The following ACD variants were observed in gnomAD, a reference collection of about 807,000 sequenced individuals.
The protein encoded by ACD is adrenocortical dysplasia protein homolog.
ACD carries 39 observed loss-of-function variants against 53.9 expected under a neutral mutation model. That is an observed-to-expected ratio of 0.72 (90% CI 0.56 to 0.95). The LOEUF (loss-of-function observed/expected upper bound fraction) is 0.95, where lower values mean the gene tolerates loss of function less well. Among genes scored for constraint, ACD ranks in the 40% least tolerant of loss-of-function variants. The pLI is 0.00. For synonymous variants in ACD, 273 were observed against 249.2 expected, an observed-to-expected ratio of 1.10 and a Z score of -0.90; for missense variants, 526 against 587.9, an observed-to-expected ratio of 0.89 and a Z score of 1.09.
In ACD at chr16:67,657,783, C is replaced by T. The variant is rs1445369071; in HGVS notation, c.1277G>A (p.Cys426Tyr). ...YEYEPPCTSLCARVQAVRLPP... is the reference protein window; with the variant it reads ...YEYEPPCTSLYARVQAVRLPP... ...TCACCTGACAGCTTGGACCCGAGCA[C>T]AGAGGGACGTGCAGGGTGGCTCATA... The change falls in exon 11 of 12, where the codon TGT becomes TAT. Residue 426 changes from cysteine to tyrosine, a missense_variant. Transcript: ENST00000620761. This position sits in a 1 kb window ranked among gnomAD's most constrained non-coding sequence, Gnocchi z 4.5. The T allele has an allele frequency of 1.9e-6, 3 of 1,614,100 alleles. No individual in the cohort carries two copies. Among genetic ancestry groups the T allele is most frequent in the Non-Finnish European group, 2.5e-6 (3 of 1,180,020 alleles).
chr16:67,657,809 C>T lies in ACD; in HGVS notation c.1251G>A (p.Glu417=). 1.2e-6 allele frequency: 2 copies of T among 1,614,112 alleles called. No individual in the cohort carries two copies. The highest frequency in any genetic ancestry group is 2.2e-5 in the East Asian group (1 of 44,878). Reference sequence around the variant, plus strand: ...AGAGGGACGTGCAGGGTGGCTCATACTCATACTGGAAGGCAGAACCATCAC... The same window carrying T: ...AGAGGGACGTGCAGGGTGGCTCATATTCATACTGGAAGGCAGAACCATCAC... ...RHRDGSAFQY[E]YEPPCTSLCA... is the part of the protein sequence containing the mutation. The change falls in exon 11 of 12, where the codon GAG becomes GAA. Residue 417 remains glutamate (E), a synonymous_variant. Transcript: ENST00000620761. This position sits in a 1 kb window ranked among gnomAD's most constrained non-coding sequence, Gnocchi z 4.5.
intron 9 of ACD, 65 bp downstream of exon 9, chr16:67,658,490 C>G (rs1170085369): frequency 3.7e-5 from 59 of 1,578,346 alleles, no homozygotes; most frequent in Non-Finnish European, 4.7e-5. Flanking sequence ...TCACAGCATC[C>G]TGCGCAGCCC....
Position 67,659,244 on chromosome 16 carries a change from T to C in ACD, c.478A>G (p.Thr160Ala). The C allele has an allele frequency of 6.2e-7, 1 of 1,613,986 alleles. No individual in the cohort carries two copies. The highest frequency in any genetic ancestry group is 8.5e-7 in the Non-Finnish European group (1 of 1,179,982). The change falls in exon 6 of 12, where the codon ACC becomes GCC. Residue 160 changes from threonine to alanine, a missense_variant. Thr to Ala is a moderately conservative substitution (Grantham distance 58). Coordinates refer to ENST00000620761, the MANE Select transcript of ACD (RefSeq NM_001082486.2). ...TCTACAGTACCTGCATTGGACGAGG[T>C]GGACTCTGAAAGGTGCTCCCTACAG... is the stretch of plus-strand genomic sequence containing the variant. ...DCLEEHLSES[T>A]SSNAGLSLSQ...
Position 67,658,043 on chromosome 16 carries a change from C to T in ACD, c.1149G>A (p.Arg383=). The T allele has an allele frequency of 1.3e-6, 2 of 1,546,772 alleles. No homozygotes were observed. The highest frequency in any genetic ancestry group is 2.3e-5 in the East Asian group (1 of 44,430). Residue 383 remains arginine (R), a synonymous_variant, in exon 10 of 12, where the codon CGG becomes CGA. Coordinates refer to ENST00000620761, the MANE Select transcript of ACD (RefSeq NM_001082486.2). ...TAGCTCCGGTCCTGGGAAAAGGCGGCCGATTCTTGCAGGGCAACCCTACAA... is the reference window on the plus strand; with the variant it reads ...TAGCTCCGGTCCTGGGAAAAGGCGGTCGATTCTTGCAGGGCAACCCTACAA... The part of the protein sequence containing the change: ...KEFVGLPCKN[R]PPFPRTGATR...
At chr16:67,659,310 T>C in intron 5 of ACD, 47 bp from the exon 6 acceptor site, 1 of 1,613,992 alleles carries the variant, frequency 6.2e-7, no homozygotes, top group Non-Finnish European at 8.5e-7. Flanking sequence ...CTGAGGCCTG[T>C]CTACCTAGAT....
In ACD at chr16:67,658,680, G is replaced by A. The variant is rs200554738; in HGVS notation, c.743-39C>T. ...GAAGTCTTATCAGCACTGTGGACCT[G>A]GGCCCCAGGTATCCCCCCAACCTCT... On this transcript the variant is annotated intron_variant, in intron 8 of 11. Coordinates refer to ENST00000620761, the MANE Select transcript of ACD (RefSeq NM_001082486.2). 1.7e-4 allele frequency: 264 copies of A among 1,593,184 alleles called. 1 individual carries two copies. Among genetic ancestry groups the A allele is most frequent in the Middle Eastern group, 1.2e-3 (7 of 6,006 alleles).
At chr16:67,658,469 C>T in intron 9 of ACD, 86 bp downstream of exon 9, 2 of 1,593,774 alleles carry the variant, frequency 1.3e-6, no homozygotes, top group Non-Finnish European at 1.7e-6. Flanking sequence ...CCCCCACCCA[C>T]CGTGCACCTT....
Position 67,659,969 on chromosome 16 carries a change from A to T in ACD, c.176T>A (p.Leu59His). ...GACACTGTGGGTCCCGTCAGACACA[A>T]GCAGCGTGGCCCCGACGTCGGACGT... The part of the protein sequence containing the change: ...PDTSDVGATL[L>H]VSDGTHSVRC... Residue 59 changes from leucine (L) to histidine (H), a missense_variant, in exon 2 of 12, where the codon CTT (leucine) becomes CAT (histidine). Physicochemically the swap from Leu to His is moderately conservative, Grantham distance 99. Coordinates refer to ENST00000620761, the MANE Select transcript of ACD (RefSeq NM_001082486.2). 6.2e-7 allele frequency: 1 copy of T among 1,608,892 alleles called. No homozygotes were observed. The highest frequency in any genetic ancestry group is 8.5e-7 in the Non-Finnish European group (1 of 1,179,058).
At position 67,660,209 on chromosome 16, in the gene ACD, C is replaced by T; in HGVS notation, c.12G>A (p.Ser4=). MAG[S]GRLVLRPWIR... is the part of the protein sequence containing the mutation. Reference sequence around the variant, plus strand: ...TCCAGGGCCGTAGGACCAGCCTCCCCGAACCTGCCATCCCCACGGCTACAC... The same window carrying T: ...TCCAGGGCCGTAGGACCAGCCTCCCTGAACCTGCCATCCCCACGGCTACAC... Residue 4 remains serine, a synonymous_variant, in exon 1 of 12, where the codon TCG becomes TCA. Coordinates refer to ENST00000620761, the MANE Select transcript of ACD (RefSeq NM_001082486.2). 1 of 1,612,706 alleles carries T rather than the reference C, an allele frequency of 6.2e-7. No individual in the cohort carries two copies. The highest frequency in any genetic ancestry group is 8.5e-7 in the Non-Finnish European group (1 of 1,179,930).
chr16:67,658,830 A>C lies in ACD; in HGVS notation c.646-14T>G. The C allele has an allele frequency of 1.2e-6, 2 of 1,604,164 alleles. No homozygotes were observed. Among genetic ancestry groups the C allele is most frequent in the Non-Finnish European group, 1.7e-6 (2 of 1,172,648 alleles). ...CACAGCTTCTCCCTGTGGGACATGA[A>C]CTCTGTAGGACAGGCCCGTTTACTC... is the stretch of plus-strand genomic sequence containing the variant. On this transcript the variant is annotated splice_polypyrimidine_tract_variant and intron_variant, in intron 7 of 11. Coordinates refer to ENST00000620761, the MANE Select transcript of ACD (RefSeq NM_001082486.2).
In ACD at chr16:67,658,894, C is replaced by T; in HGVS notation, c.645+34G>A. ...GATATGACCCTTGCCCAACTCCTCA[C>T]CCTGACATCTCCCAAGCAAATCCCC... On this transcript the variant is annotated intron_variant, in intron 7 of 11. Transcript: ENST00000620761. The T allele has an allele frequency of 1.9e-6, 3 of 1,608,004 alleles. No individual in the cohort carries two copies. The African/African-American group carries it at 4.0e-5, about 21-fold the overall frequency.
In ACD at chr16:67,657,778, G is replaced by A. The variant is rs775323156; in HGVS notation, c.1282C>T (p.Arg428Trp). The A allele has an allele frequency of 8.1e-6, 13 of 1,613,966 alleles. No homozygotes were observed. Among genetic ancestry groups the A allele is most frequent in the African/African-American group, 6.7e-5 (5 of 74,920 alleles). The change falls in exon 11 of 12, where the codon CGG (arginine) becomes TGG (tryptophan). Residue 428 changes from arginine (R) to tryptophan (W), a missense_variant. By Grantham distance (101) the Arg-to-Trp change is moderately radical (BLOSUM62 -3). Transcript: ENST00000620761. The surrounding 1 kb of genome is among the most constrained non-coding windows in gnomAD (Gnocchi z 4.5). Reference protein sequence around the residue: ...YEPPCTSLCARVQAVRLPPQL... With the variant: ...YEPPCTSLCAWVQAVRLPPQL... ...GGCACTCACCTGACAGCTTGGACCC[G>A]AGCACAGAGGGACGTGCAGGGTGGC... is the stretch of plus-strand genomic sequence containing the variant.
chr16:67,657,617 T>C lies in ACD; in HGVS notation c.1366A>G (p.Thr456Ala). 1 of 1,614,002 alleles carries C rather than the reference T, an allele frequency of 6.2e-7. No individual in the cohort carries two copies. The highest frequency in any genetic ancestry group is 8.5e-7 in the Non-Finnish European group (1 of 1,179,976). ...TCCTGCGTGACGTCTCACATCGGAG[T>C]TGGCTCAGACCCTGGCTGTGCATCC... ...LMDAQPGSEP[T>A]PM Residue 456 changes from threonine to alanine, a missense_variant, in exon 12 of 12, where the codon ACT (threonine) becomes GCT (alanine). Coordinates refer to ENST00000620761, the MANE Select transcript of ACD (RefSeq NM_001082486.2). The surrounding 1 kb of genome is among the most constrained non-coding windows in gnomAD (Gnocchi z 4.5).
At position 67,658,058 on chromosome 16, in the gene ACD, C is replaced by A. The variant is rs772002326; in HGVS notation, c.1134G>T (p.Leu378Phe). Residue 378 changes from leucine to phenylalanine, a missense_variant, in exon 10 of 12, where the codon TTG becomes TTT. By Grantham distance (22) the Leu-to-Phe change is conservative. Coordinates refer to ENST00000620761, the MANE Select transcript of ACD (RefSeq NM_001082486.2). ...PSLEFKEFVG[L>F]PCKNRPPFPR... is the part of the protein sequence containing the mutation. ...GAAAAGGCGGCCGATTCTTGCAGGGCAACCCTACAAACTCCTTGAACTCCA... is the reference window on the plus strand; with the variant it reads ...GAAAAGGCGGCCGATTCTTGCAGGGAAACCCTACAAACTCCTTGAACTCCA... The A allele has an allele frequency of 7.1e-6, 11 of 1,553,782 alleles. No individual in the cohort carries two copies. The highest frequency in any genetic ancestry group is 9.6e-6 in the Non-Finnish European group (11 of 1,151,568).
chr16:67,659,321 A>G, intron 5 of ACD, 54 bp downstream of exon 5: 1 of 1,614,042 alleles, frequency 6.2e-7, no homozygotes, highest in East Asian at 2.2e-5. Flanking sequence ...CTACCTAGAT[A>G]CACCATCCCC....
intron 1 of ACD, 34 bp from the exon 2 acceptor site, chr16:67,660,079 C>G (rs765313953): frequency 1.2e-6 from 2 of 1,610,968 alleles, no homozygotes; most frequent in Non-Finnish European, 1.7e-6. Context: ...TCCCACCACC[C>G]CGGGCCTCCG....
At chr16:67,658,496 AGCCCGGGAACCT>A in intron 9 of ACD, 47 bp downstream of exon 9, 2 of 1,576,024 alleles carry the variant, frequency 1.3e-6, no homozygotes, top group Non-Finnish European at 1.7e-6. Flanking sequence ...CATCCTGCGC[AGCCCGGGAACCT>A]GACTGACAGG....
chr16:67,659,646 G>A (rs1286824581), intron 3 of ACD, 33 bp from the exon 4 acceptor site: 3 of 1,612,948 alleles, frequency 1.9e-6, no homozygotes, highest in Non-Finnish European at 2.5e-6. Flanking sequence ...GGGGGTCTCA[G>A]AATCGTCACG....
In ACD at chr16:67,658,603, G is replaced by C. The variant is rs760404492; in HGVS notation, c.781C>G (p.Leu261Val). Residue 261 changes from leucine to valine, a missense_variant, in exon 9 of 12, where the codon CTA becomes GTA. Transcript: ENST00000620761. Reference protein sequence around the residue: ...LPPPDPALQDLSLTLIASPPS... With the variant: ...LPPPDPALQDVSLTLIASPPS... ...GGAGAGGCTATGAGGGTCAGAGATAGGTCCTGCAGAGCCGGGTCTGGTGGG... is the reference window on the plus strand; with the variant it reads ...GGAGAGGCTATGAGGGTCAGAGATACGTCCTGCAGAGCCGGGTCTGGTGGG... 58 of 1,575,088 alleles carry C rather than the reference G, an allele frequency of 3.7e-5. No homozygotes were observed. The highest frequency in any genetic ancestry group is 4.8e-5 in the Non-Finnish European group (56 of 1,159,242).
Sources: gnomAD v4.1 joint callset for allele counts on GRCh38, gnomAD v4.1.1 for gene constraint, Gnocchi (gnomAD v3.1) non-coding constraint, MANE v1.5 for transcripts, NCBI Gene and HGNC (gene_info 2026-07-23, HGNC 2026-07-21) for gene names.